TNKS: variants seen among roughly 807,000 people sequenced by gnomAD.
TNKS encodes poly [ADP-ribose] polymerase tankyrase-1.
TNKS carries 72 observed loss-of-function variants against 135.8 expected under a neutral mutation model. That is an observed-to-expected ratio of 0.53 (90% CI 0.44 to 0.64). The LOEUF is 0.64. TNKS is among the 30% of genes least tolerant of loss of function. The pLI is 0.00. For missense variants in TNKS, 1,769 were observed against 1,674.0 expected, an observed-to-expected ratio of 1.06 and a Z score of -0.99; for synonymous variants, 849 against 649.3, an observed-to-expected ratio of 1.31 and a Z score of -4.68.
At position 9,686,533 on chromosome 8, in the gene TNKS, T is replaced by C. The variant is rs568959958; in HGVS notation, c.1107+5733T>C. 2.3e-3 allele frequency among the ~76,000 whole-genome samples: 344 copies of C among 152,290 alleles called. 1 individual carries two copies. The highest frequency in any genetic ancestry group is 7.7e-3 in the African/African-American group (321 of 41,550). On this transcript the variant is annotated intron_variant, in intron 5 of 26. Coordinates refer to ENST00000310430, the MANE Select transcript of TNKS (RefSeq NM_003747.3). ...AATATAACTCAATGCTTATTATCTATTGGGCAAGAAAGATTCCATCTTTTT... is the reference window on the plus strand; with the variant it reads ...AATATAACTCAATGCTTATTATCTACTGGGCAAGAAAGATTCCATCTTTTT...
chr8:9,699,290 A>G (rs916233827), intron 5 of TNKS, among the ~76,000 whole-genome samples: 2 of 152,234 alleles, frequency 1.3e-5, no homozygotes, highest in South Asian at 4.1e-4. Flanking sequence ...GTTGAGATAT[A>G]AATTTGGCAC....
At chr8:9,742,450 G>T (rs965860857) in intron 17 of TNKS, among the ~76,000 whole-genome samples, 1 of 151,134 alleles carries the variant, frequency 6.6e-6, no homozygotes, top group African/African-American at 2.4e-5. Flanking sequence ...CCCTGTTCAC[G>T]ATCTCTGCTC....
At position 9,726,656 on chromosome 8, in the gene TNKS, G is replaced by A. The variant is rs749027465; in HGVS notation, c.1937G>A (p.Arg646His). The A allele has an allele frequency of 8.7e-6, 14 of 1,612,734 alleles. No homozygotes were observed. The highest frequency in any genetic ancestry group is 5.0e-5 in the Admixed American group (3 of 59,938). ...TTTTATGCAGAGAGTACACCTATAC[G>A]TACTTCTGATGTTGATTATCGACTC... ...QQILSESTPI[R>H]TSDVDYRLLE... The change falls in exon 13 of 27, where the codon CGT (arginine) becomes CAT (histidine). Residue 646 changes from arginine (R) to histidine (H), a missense_variant. By Grantham distance (29) the Arg-to-His change is conservative (BLOSUM62 0). Coordinates refer to ENST00000310430, the MANE Select transcript of TNKS (RefSeq NM_003747.3).
At chr8:9,659,652 AC>A (rs1319070801) in intron 3 of TNKS, among the ~76,000 whole-genome samples, 1 of 152,214 alleles carries the variant, frequency 6.6e-6, no homozygotes, top group African/African-American at 2.4e-5. Context: ...TAAAATTGAC[AC>A]CCTAACATCA....
chr8:9,717,544 G>A (rs918344520), intron 11 of TNKS, among the ~76,000 whole-genome samples: 2 of 152,052 alleles, frequency 1.3e-5, no homozygotes, highest in Admixed American at 1.3e-4. Context: ...CCTAATGTTT[G>A]TTCAATATAC....
chr8:9,675,357 A>G (rs1255445705), intron 3 of TNKS, among the ~76,000 whole-genome samples: 2 of 152,226 alleles, frequency 1.3e-5, no homozygotes, highest in Non-Finnish European at 2.9e-5. Context: ...TCATGGTACT[A>G]CTTAGCACTC....
At chr8:9,673,580 A>AT (rs202009932) in intron 3 of TNKS, among the ~76,000 whole-genome samples, 1,789 of 151,162 alleles carry the variant, frequency 0.012, 34 homozygotes, top group African/African-American at 0.04. Flanking sequence ...AATAGATGGG[A>AT]TTACAGGCAC....
intron 1 of TNKS, chr8:9,566,305 T>G (rs1797536906): frequency 6.6e-6 from 1 of 152,200 alleles, no homozygotes; most frequent in South Asian, 2.1e-4. Context: ...GATAAATTTT[T>G]GAAACTTTGA....
intron 2 of TNKS, among the ~76,000 whole-genome samples, chr8:9,614,246 G>T (rs778529611): frequency 6.6e-6 from 1 of 152,150 alleles, no homozygotes; most frequent in Non-Finnish European, 1.5e-5. Context: ...TTATTCTACT[G>T]ACTCTTGAAT....
intron 2 of TNKS, among the ~76,000 whole-genome samples, chr8:9,601,286 T>G (rs1203845959): frequency 6.6e-6 from 1 of 152,196 alleles, no homozygotes; most frequent in Admixed American, 6.5e-5. Context: ...TTTACATATT[T>G]TTAAAACATG....
chr8:9,681,501 A>G (rs1802781649), intron 5 of TNKS, among the ~76,000 whole-genome samples: 1 of 152,096 alleles, frequency 6.6e-6, no homozygotes, highest in African/African-American at 2.4e-5. Context: ...TGATTTACGT[A>G]ATAGACATTG....
chr8:9,781,212 C>G lies in TNKS; in HGVS notation c.*4476C>G, dbSNP rs1262519269. 6.6e-6 allele frequency: 1 copy of G among 152,154 alleles called. No homozygotes were observed. Among genetic ancestry groups the G allele is most frequent in the African/African-American group, 2.4e-5 (1 of 41,406 alleles). The allele number at this position is 152,154 out of a possible 1,614,324, so 9.4% of individuals were successfully genotyped here. On this transcript the variant is annotated 3_prime_UTR_variant, in exon 27 of 27. Coordinates refer to ENST00000310430, the MANE Select transcript of TNKS (RefSeq NM_003747.3). The stretch of plus-strand genomic sequence containing the variant: ...ACATTCTTTTTTGCTTTACACTTCA[C>G]GTCTTCGCACCTGCCCTACCTCCCA...
At chr8:9,619,518 A>G (rs898075003) in intron 3 of TNKS, among the ~76,000 whole-genome samples, 1 of 152,168 alleles carries the variant, frequency 6.6e-6, no homozygotes, top group Non-Finnish European at 1.5e-5. Flanking sequence ...CATTGCTAAG[A>G]TGGTTGATCC....
At chr8:9,556,892 C>G in intron 1 of TNKS, 1 of 542,580 alleles carries the variant, frequency 1.8e-6, no homozygotes. Context: ...TATATTTACA[C>G]TTTAGTTTTT....
At chr8:9,672,711 C>CAAA (rs6150458) in intron 3 of TNKS, among the ~76,000 whole-genome samples, 54 of 85,224 alleles carry the variant, frequency 6.3e-4, no homozygotes, top group Non-Finnish European at 6.7e-4. Flanking sequence ...CACACACACA[C>CAAA]AAAAAAAAAA....
intron 1 of TNKS, among the ~76,000 whole-genome samples, chr8:9,572,661 A>G (rs189831997): frequency 7.2e-5 from 11 of 152,316 alleles, no homozygotes; most frequent in African/African-American, 2.6e-4. Context: ...GTAGAATTAG[A>G]AAGTCATGTT....
chr8:9,766,442 T>C lies in TNKS; in HGVS notation c.3740+17T>C, dbSNP rs1373330439. 6.7e-7 allele frequency: 1 copy of C among 1,498,854 alleles called. No individual in the cohort carries two copies. The highest frequency in any genetic ancestry group is 2.4e-5 in the East Asian group (1 of 41,944). The allele number at this position is 1,498,854 out of a possible 1,614,324, so 92.8% of individuals were successfully genotyped here. A position where few individuals can be genotyped will look rare whatever the true frequency, so the allele number is the denominator to read the frequency against. On this transcript the variant is annotated intron_variant, in intron 25 of 26. Transcript: ENST00000310430. ...ATGTCACAGGTAAGCATCTTGCCAT[T>C]AGTGTAACGTTTCCCACCCCTAGGT...
chr8:9,686,698 TC>T (rs1354207480), intron 5 of TNKS, among the ~76,000 whole-genome samples: 2 of 152,154 alleles, frequency 1.3e-5, no homozygotes, highest in African/African-American at 4.8e-5. Context: ...TTAAGTATTT[TC>T]CCCCTTGAAA....
intron 2 of TNKS, among the ~76,000 whole-genome samples, chr8:9,607,461 G>T (rs867973859): frequency 6.6e-6 from 1 of 152,146 alleles, no homozygotes; most frequent in Admixed American, 6.5e-5. Flanking sequence ...TGGACAAATG[G>T]TAGTTTCTTA....
Sources: allele counts gnomAD v4.1 joint callset (sites outside exome capture counted in the v4.1 genomes callset), GRCh38; gene constraint gnomAD v4.1.1; transcripts MANE v1.5; gene names NCBI Gene and HGNC (gene_info 2026-07-23, HGNC 2026-07-21).